Variants in HCFC2 observed in about 807,000 individuals in gnomAD.
HCFC2 encodes the protein host cell factor 2.
HCFC2 carries 18 observed loss-of-function variants against 89.2 expected under a neutral mutation model. The observed-to-expected ratio is 0.20, with a 90% confidence interval of 0.14 to 0.30. The LOEUF (loss-of-function observed/expected upper bound fraction) is 0.30, where lower values mean the gene tolerates loss of function less well. HCFC2 is among the 10% of genes least tolerant of loss of function. The probability of loss-of-function intolerance (pLI) is 1.00; values close to 1 mark genes in which losing one functional copy is unlikely to be tolerated. For synonymous variants in HCFC2, 308 were observed against 335.7 expected (o/e 0.92, Z 0.90); for missense variants, 578 against 956.1 (o/e 0.60, Z 5.21).
Position 104,096,326 on chromosome 12 carries a change from G to A in HCFC2, c.1667-34G>A, listed in dbSNP as rs748325518. 1.6e-5 allele frequency: 22 copies of A among 1,416,722 alleles called. No homozygotes were observed. In the South Asian group the frequency reaches 2.6e-4, roughly 17 times the overall value. The allele number at this position is 1,416,722 out of a possible 1,614,324, so 87.8% of individuals were successfully genotyped here. Reference sequence around the variant, plus strand: ...TATTTTAATGTATCTGATAAGTTATGTAAATCTTATCTGATAAATTGTTTA... The same window carrying A: ...TATTTTAATGTATCTGATAAGTTATATAAATCTTATCTGATAAATTGTTTA... On this transcript the variant is annotated intron_variant, in intron 11 of 14. Coordinates refer to ENST00000229330, the MANE Select transcript of HCFC2 (RefSeq NM_013320.3).
intron 3 of HCFC2, among the ~76,000 whole-genome samples, chr12:104,078,805 G>A (rs1177382174): frequency 6.6e-5 from 10 of 152,096 alleles, no homozygotes. Flanking sequence ...AGGGATGGCT[G>A]GGCAGTCAGC....
rs189210520 is a variant in HCFC2, at chr12:104,072,869, C to T, written c.473+4762C>T. On this transcript the variant is annotated intron_variant, in intron 3 of 14. Transcript: ENST00000229330. Reference sequence around the variant, plus strand: ...CCATGTTAGCCAGGATGGTCTCGATCTCCTGACCTCGTGATCCGCCCACCT... The same window carrying T: ...CCATGTTAGCCAGGATGGTCTCGATTTCCTGACCTCGTGATCCGCCCACCT... 4.0e-3 allele frequency among the ~76,000 whole-genome samples: 604 copies of T among 152,116 alleles called. 3 individuals carry two copies. The highest frequency in any genetic ancestry group is 0.014 in the African/African-American group (575 of 41,512).
chr12:104,104,096 T>C lies in HCFC2; in HGVS notation c.*823T>C, dbSNP rs981907446. ...GTATGTCCCTGAACATTTTCATCTG[T>C]CTTAATGGCTCTAATTTTGCTTTTG... On this transcript the variant is annotated 3_prime_UTR_variant, in exon 15 of 15. Coordinates refer to ENST00000229330, the MANE Select transcript of HCFC2 (RefSeq NM_013320.3). The C allele has an allele frequency of 6.6e-6, 1 of 152,032 alleles. No individual in the cohort carries two copies. The highest frequency in any genetic ancestry group is 1.5e-5 in the Non-Finnish European group (1 of 67,914). 9.4% of individuals were successfully genotyped at this position (152,032 alleles called of 1,614,324 possible). A position where few individuals can be genotyped will look rare whatever the true frequency, so the allele number is the denominator to read the frequency against.
intron 3 of HCFC2, 68 bp from the exon 4 acceptor site, chr12:104,079,377 A>G: frequency 1.6e-6 from 2 of 1,225,902 alleles, no homozygotes; most frequent in South Asian, 2.9e-5. Context: ...ATCTTTATAA[A>G]TAGAAATAAA....
rs1472611747 is a variant in HCFC2, at chr12:104,064,551, G to A, written c.-10G>A. On this transcript the variant is annotated 5_prime_UTR_variant, in exon 1 of 15. Coordinates refer to ENST00000229330, the MANE Select transcript of HCFC2 (RefSeq NM_013320.3). The surrounding 1 kb of genome is among the most constrained non-coding windows in gnomAD (Gnocchi z 7.3). ...GGTGCATTGTGGGCAGAGGGGCGGG[G>A]GTTGGGAAGATGGCGGCTCCCAGCC... 3 of 1,501,638 alleles carry A rather than the reference G, an allele frequency of 2.0e-6. No individual in the cohort carries two copies. Among genetic ancestry groups the A allele is most frequent in the Non-Finnish European group, 1.8e-6 (2 of 1,124,554 alleles). The allele number at this position is 1,501,638 out of a possible 1,614,324, so 93.0% of individuals were successfully genotyped here. A position where few individuals can be genotyped will look rare whatever the true frequency, so the allele number is the denominator to read the frequency against.
chr12:104,083,842 A>G (rs1883754701), intron 7 of HCFC2, among the ~76,000 whole-genome samples: 1 of 152,162 alleles, frequency 6.6e-6, no homozygotes, highest in African/African-American at 2.4e-5. Context: ...CCCAGGCAAC[A>G]TAGTGAGACC....
chr12:104,097,255 A>G (rs1364041941), intron 12 of HCFC2, among the ~76,000 whole-genome samples: 1 of 152,112 alleles, frequency 6.6e-6, no homozygotes, highest in African/African-American at 2.4e-5. Flanking sequence ...TCATGACTTT[A>G]TGGGTTATGA....
intron 9 of HCFC2, among the ~76,000 whole-genome samples, chr12:104,089,370 G>C (rs568394310): frequency 6.6e-6 from 1 of 152,154 alleles, no homozygotes; most frequent in Non-Finnish European, 1.5e-5. Flanking sequence ...CAAAAAATTA[G>C]CCGGGCATGG....
At chr12:104,082,681 A>C in intron 6 of HCFC2, 32 bp from the exon 7 acceptor site, 1 of 1,593,300 alleles carries the variant, frequency 6.3e-7, no homozygotes, top group Non-Finnish European at 8.6e-7. Context: ...TTAAGAACAA[A>C]AGATTAGTCA....
At chr12:104,101,513 A>T (rs2029937857) in intron 13 of HCFC2, among the ~76,000 whole-genome samples, 1 of 152,032 alleles carries the variant, frequency 6.6e-6, no homozygotes, top group African/African-American at 2.4e-5. Flanking sequence ...TCTGTACTAC[A>T]TGCTAGTCAC....
chr12:104,084,027 C>T (rs1180152113), intron 7 of HCFC2, among the ~76,000 whole-genome samples: 2 of 152,082 alleles, frequency 1.3e-5, no homozygotes, highest in Non-Finnish European at 2.9e-5. Context: ...GACCCCATCT[C>T]GAAAGGGGGA....
Position 104,095,638 on chromosome 12 carries a change from T to C in HCFC2, c.1666+75T>C. The C allele has an allele frequency of 8.6e-7, 1 of 1,158,652 alleles. No homozygotes were observed. Among genetic ancestry groups the C allele is most frequent in the Non-Finnish European group, 1.2e-6 (1 of 805,566 alleles). 71.8% of individuals were successfully genotyped at this position (1,158,652 alleles called of 1,614,324 possible). A position where few individuals can be genotyped will look rare whatever the true frequency, so the allele number is the denominator to read the frequency against. On this transcript the variant is annotated intron_variant, in intron 11 of 14. Transcript: ENST00000229330. This position sits in a 1 kb window ranked among gnomAD's most constrained non-coding sequence, Gnocchi z 4.2. ...ATTCATCAAACTTACTTGTCTTAGATGGGAGTTGCATTTCATCTTGGAATT... is the reference window on the plus strand; with the variant it reads ...ATTCATCAAACTTACTTGTCTTAGACGGGAGTTGCATTTCATCTTGGAATT...
intron 13 of HCFC2, among the ~76,000 whole-genome samples, chr12:104,100,180 A>G (rs766426072): frequency 6.6e-6 from 1 of 152,210 alleles, no homozygotes; most frequent in Non-Finnish European, 1.5e-5. Context: ...GAAACCCCTT[A>G]AAGAGGACCT....
Position 104,105,964 on chromosome 12 carries a change from T to C in HCFC2, c.*2691T>C, listed in dbSNP as rs978393054. On this transcript the variant is annotated 3_prime_UTR_variant, in exon 15 of 15. Coordinates refer to ENST00000229330, the MANE Select transcript of HCFC2 (RefSeq NM_013320.3). ...GTTCTGCAACTCTGGCTCTCATAAG[T>C]AGTAAAAATATTTTTGATGTTGCAT... 25 of 152,138 alleles carry C rather than the reference T, an allele frequency of 1.6e-4. No homozygotes were observed. The highest frequency in any genetic ancestry group is 1.6e-3 in the Admixed American group (24 of 15,270). 9.4% of individuals were successfully genotyped at this position (152,138 alleles called of 1,614,324 possible).
intron 8 of HCFC2, among the ~76,000 whole-genome samples, chr12:104,087,478 T>TATAC (rs1883901251): frequency 6.9e-6 from 1 of 145,606 alleles, no homozygotes; most frequent in Non-Finnish European, 1.5e-5. Context: ...TATATATATA[T>TATAC]ATATATGTAT....
intron 4 of HCFC2, among the ~76,000 whole-genome samples, chr12:104,080,000 G>T (rs1032383246): frequency 1.3e-5 from 2 of 152,020 alleles, no homozygotes; most frequent in Non-Finnish European, 1.5e-5. Context: ...AACTTTATAT[G>T]GTTACCCTAT....
rs770271330 is a variant in HCFC2 at position 104,082,952 on chromosome 12, A to G, written c.1063+51A>G. On this transcript the variant is annotated intron_variant, in intron 7 of 14. Coordinates refer to ENST00000229330, the MANE Select transcript of HCFC2 (RefSeq NM_013320.3). ...ACTTTTTCCTTTAGGTAAGCACTCA[A>G]ATGTCTGCCTTTTGAGACTTACTGT... 9 of 1,352,726 alleles carry G rather than the reference A, an allele frequency of 6.7e-6. No homozygotes were observed. In the African/African-American group the frequency reaches 7.3e-5, roughly 11 times the overall value. 83.8% of individuals were successfully genotyped at this position (1,352,726 alleles called of 1,614,324 possible). A position where few individuals can be genotyped will look rare whatever the true frequency, so the allele number is the denominator to read the frequency against.
chr12:104,096,139 A>G (rs1884169686), intron 11 of HCFC2, among the ~76,000 whole-genome samples: 1 of 152,122 alleles, frequency 6.6e-6, no homozygotes, highest in Admixed American at 6.6e-5. Flanking sequence ...AAGTTTATGA[A>G]TTGTTTTGAG....
At chr12:104,082,008 C>A (rs1306764854) in intron 5 of HCFC2, among the ~76,000 whole-genome samples, 2 of 151,560 alleles carry the variant, frequency 1.3e-5, no homozygotes, top group Admixed American at 6.6e-5. Flanking sequence ...GAGCCTTTCT[C>A]TTCCAGCAGC....
Sources: allele counts gnomAD v4.1 joint callset (sites outside exome capture counted in the v4.1 genomes callset), GRCh38; gene constraint gnomAD v4.1.1; non-coding constraint Gnocchi (gnomAD v3.1); transcripts MANE v1.5; gene names NCBI Gene and HGNC (gene_info 2026-07-23, HGNC 2026-07-21).